CD34: variants seen among roughly 807,000 people sequenced by gnomAD.
The protein encoded by CD34 is hematopoietic progenitor cell antigen CD34.
In CD34, 34 loss-of-function variants were observed where a neutral mutation model predicts 40.1. That is an observed-to-expected ratio of 0.85 (90% CI 0.65 to 1.13). The LOEUF (loss-of-function observed/expected upper bound fraction) is 1.13, where lower values mean the gene tolerates loss of function less well. CD34 is among the 50% of genes most tolerant of loss of function. The pLI is 0.00. For missense variants in CD34, 426 were observed against 466.9 expected (o/e 0.91, Z 0.81); for synonymous variants, 209 against 190.0 (o/e 1.10, Z -0.82).
In CD34 at chr1:207,885,579, T is replaced by C. The variant is rs658347; in HGVS notation, c.*2159A>G. 73,620 of 151,344 alleles carry C rather than the reference T, an allele frequency of 0.49. 18,246 individuals are homozygous for C. Among genetic ancestry groups the C allele is most frequent in the East Asian group, 0.72 (3,684 of 5,140 alleles). The allele number at this position is 151,344 out of a possible 1,614,324, so 9.4% of individuals were successfully genotyped here. On this transcript the variant is annotated 3_prime_UTR_variant, in exon 8 of 8. Coordinates refer to ENST00000310833, the MANE Select transcript of CD34 (RefSeq NM_001025109.2). ...TAGCTGGGACAGACCCTCACTGGAT[T>C]ACTCTCAAGGCAAGATGTGCAACTA...
At chr1:207,906,370 G>A (rs2785647) in intron 1 of CD34, among the ~76,000 whole-genome samples, 36,034 of 152,150 alleles carry the variant, frequency 0.24, 5,284 homozygotes, top group Non-Finnish European at 0.34. Context: ...GGAGGCATCC[G>A]TGTTAGGGGG....
At chr1:207,893,433 AG>A (rs1662076737) in intron 4 of CD34, among the ~76,000 whole-genome samples, 1 of 152,158 alleles carries the variant, frequency 6.6e-6, no homozygotes, top group South Asian at 2.1e-4. Context: ...TTGACAATGC[AG>A]GTGAAAACGC....
chr1:207,890,032 G>C lies in CD34; in HGVS notation c.598-411C>G, dbSNP rs1571768125. 1.4e-6 allele frequency: 2 copies of C among 1,381,050 alleles called. 1 individual carries two copies. Among genetic ancestry groups the C allele is most frequent in the Middle Eastern group, 5.4e-4 (2 of 3,672 alleles). 85.5% of individuals were successfully genotyped at this position (1,381,050 alleles called of 1,614,324 possible). A position where few individuals can be genotyped will look rare whatever the true frequency, so the allele number is the denominator to read the frequency against. Reference sequence around the variant, plus strand: ...TCCCCAATGATGGAAGAAAAGCCAAGGGAGGTGAGGAGGAGAGAACAAATC... The same window carrying C: ...TCCCCAATGATGGAAGAAAAGCCAACGGAGGTGAGGAGGAGAGAACAAATC... On this transcript the variant is annotated intron_variant, in intron 4 of 7. Transcript: ENST00000310833.
intron 4 of CD34, chr1:207,890,374 C>T: frequency 3.2e-6 from 1 of 308,404 alleles, no homozygotes; most frequent in Non-Finnish European, 4.7e-6. Flanking sequence ...GAAACTAAGA[C>T]TTTCTCTTCA....
intron 3 of CD34, among the ~76,000 whole-genome samples, chr1:207,898,451 C>T (rs1264232976): frequency 6.6e-6 from 1 of 152,322 alleles, no homozygotes; most frequent in East Asian, 1.9e-4. Context: ...CAGTCATAGG[C>T]CCTAAGGCTG....
intron 4 of CD34, among the ~76,000 whole-genome samples, chr1:207,892,068 G>A (rs1376442159): frequency 6.6e-6 from 1 of 152,164 alleles, no homozygotes; most frequent in Non-Finnish European, 1.5e-5. Context: ...TCATTTCAAA[G>A]AGAATGAAGA....
In CD34 at chr1:207,883,415, A is replaced by G. The variant is rs1661840860; in HGVS notation, c.*4323T>C. On this transcript the variant is annotated 3_prime_UTR_variant, in exon 8 of 8. Transcript: ENST00000310833. ...CCCACATCTAGATACAAAGCACTTCATTTAGTCTTTCCTCGTGTTATTTCT... is the reference window on the plus strand; with the variant it reads ...CCCACATCTAGATACAAAGCACTTCGTTTAGTCTTTCCTCGTGTTATTTCT... 2 of 152,172 alleles carry G rather than the reference A, an allele frequency of 1.3e-5. No homozygotes were observed. The highest frequency in any genetic ancestry group is 1.3e-4 in the Admixed American group (2 of 15,280). The allele number at this position is 152,172 out of a possible 1,614,324, so 9.4% of individuals were successfully genotyped here.
Position 207,900,003 on chromosome 1 carries a change from G to A in CD34, c.80C>T (p.Pro27Leu). ...GTTGTCAAGACTCATGAACCCAGAA[G>A]CTATAGGGAAACGAGGAGGAAGAAT... ...WTALCLLSLLPSGFMSLDNNG... is the reference protein window; with the variant it reads ...WTALCLLSLLLSGFMSLDNNG... The change falls in exon 2 of 8, where the codon CCT becomes CTT. Residue 27 changes from proline (P) to leucine (L), a missense_variant and splice_region_variant. Transcript: ENST00000310833. 6.2e-7 allele frequency: 1 copy of A among 1,602,400 alleles called. No homozygotes were observed. The highest frequency in any genetic ancestry group is 8.5e-7 in the Non-Finnish European group (1 of 1,174,796).
chr1:207,889,961 T>C (rs749765562), intron 4 of CD34: 17 of 1,462,184 alleles, frequency 1.2e-5, no homozygotes, highest in Non-Finnish European at 1.5e-5. Flanking sequence ...ATATTAATAA[T>C]GCAATAATAA....
intron 1 of CD34, among the ~76,000 whole-genome samples, chr1:207,906,102 T>C (rs986625624): frequency 6.6e-6 from 1 of 152,186 alleles, no homozygotes; most frequent in Non-Finnish European, 1.5e-5. Context: ...GTTAGTGTCA[T>C]TGTCATTTAA....
At chr1:207,900,052 G>C (rs373192212) in intron 1 of CD34, 49 bp from the exon 2 acceptor site, 8 of 1,389,826 alleles carry the variant, frequency 5.8e-6, no homozygotes, top group Non-Finnish European at 8.0e-6. Context: ...TATCAGCCTG[G>C]TGATATCACC....
In CD34 at chr1:207,886,078, A is replaced by C. The variant is rs1661890628; in HGVS notation, c.*1660T>G. 1 of 151,940 alleles carries C rather than the reference A, an allele frequency of 6.6e-6. No individual in the cohort carries two copies. Among genetic ancestry groups the C allele is most frequent in the African/African-American group, 2.4e-5 (1 of 41,302 alleles). 9.4% of individuals were successfully genotyped at this position (151,940 alleles called of 1,614,324 possible). A position where few individuals can be genotyped will look rare whatever the true frequency, so the allele number is the denominator to read the frequency against. On this transcript the variant is annotated 3_prime_UTR_variant, in exon 8 of 8. Coordinates refer to ENST00000310833, the MANE Select transcript of CD34 (RefSeq NM_001025109.2). Reference sequence around the variant, plus strand: ...CCTGAGTTGGCTGCCAGGTCTCTAGAACAACAGTCCCCACATAGTCCTTCA... The same window carrying C: ...CCTGAGTTGGCTGCCAGGTCTCTAGCACAACAGTCCCCACATAGTCCTTCA...
rs1022382724 is a variant in CD34 at position 207,883,000 on chromosome 1, G to C, written c.*4738C>G. ...TGTCTTATCCCAGGTGCCTGGCATA[G>C]TACCTGGCTTATAATAAGCACTCAA... On this transcript the variant is annotated 3_prime_UTR_variant, in exon 8 of 8. Coordinates refer to ENST00000310833, the MANE Select transcript of CD34 (RefSeq NM_001025109.2). The C allele has an allele frequency of 2.0e-5, 3 of 152,162 alleles. No homozygotes were observed. Among genetic ancestry groups the C allele is most frequent in the African/African-American group, 7.2e-5 (3 of 41,414 alleles). 9.4% of individuals were successfully genotyped at this position (152,162 alleles called of 1,614,324 possible). A position where few individuals can be genotyped will look rare whatever the true frequency, so the allele number is the denominator to read the frequency against.
chr1:207,900,523 A>C (rs912018730), intron 1 of CD34, among the ~76,000 whole-genome samples: 13 of 152,164 alleles, frequency 8.5e-5, no homozygotes, highest in African/African-American at 3.1e-4. Context: ...CTCTCCATCC[A>C]GTATACTAAC....
chr1:207,889,949 A>C, intron 4 of CD34: 1 of 1,473,902 alleles, frequency 6.8e-7, no homozygotes, highest in Non-Finnish European at 8.9e-7. Context: ...CAAAAACAGA[A>C]AATATTAATA....
chr1:207,897,603 C>T (rs1662176435), intron 3 of CD34, 30 bp from the exon 4 acceptor site: 8 of 1,502,112 alleles, frequency 5.3e-6, no homozygotes, highest in Non-Finnish European at 7.2e-6. Context: ...ATAACAAAAA[C>T]AAAGTAAATA....
rs375065490 is a variant in CD34 at position 207,889,182 on chromosome 1, C to T, written c.786G>A (p.Lys262=). Residue 262 remains lysine, a synonymous_variant, in exon 6 of 8, where the codon AAG becomes AAA. Transcript: ENST00000310833. ...EISSKLQLMK[K]HQSDLKKLGI... is the part of the protein sequence containing the mutation. Reference sequence around the variant, plus strand: ...TTACCTTTTTCAGGTCAGATTGGTGCTTTTTCATAAGTTGGAGTTTGCTGG... The same window carrying T: ...TTACCTTTTTCAGGTCAGATTGGTGTTTTTTCATAAGTTGGAGTTTGCTGG... 51 of 1,606,632 alleles carry T rather than the reference C, an allele frequency of 3.2e-5. No individual in the cohort carries two copies. The highest frequency in any genetic ancestry group is 3.6e-5 in the Non-Finnish European group (42 of 1,173,232).
rs1291187070 is a variant in CD34 at position 207,886,922 on chromosome 1, G to C, written c.*816C>G. 6.6e-6 allele frequency: 1 copy of C among 152,376 alleles called. No homozygotes were observed. The highest frequency in any genetic ancestry group is 1.5e-5 in the Non-Finnish European group (1 of 68,164). The allele number at this position is 152,376 out of a possible 1,614,324, so 9.4% of individuals were successfully genotyped here. On this transcript the variant is annotated 3_prime_UTR_variant, in exon 8 of 8. Transcript: ENST00000310833. ...GATAAGGCTAGGATCCAGCCTCAGAGGAAGAGGATTTTTCGGAAGAGTACA... is the reference window on the plus strand; with the variant it reads ...GATAAGGCTAGGATCCAGCCTCAGACGAAGAGGATTTTTCGGAAGAGTACA...
intron 1 of CD34, among the ~76,000 whole-genome samples, chr1:207,901,236 C>A (rs1205646562): frequency 6.6e-6 from 1 of 152,204 alleles, no homozygotes; most frequent in Non-Finnish European, 1.5e-5. Flanking sequence ...AGAGCCCACA[C>A]CCTGTCCTGC....
Sources: allele counts gnomAD v4.1 joint callset (sites outside exome capture counted in the v4.1 genomes callset), GRCh38; gene constraint gnomAD v4.1.1; transcripts MANE v1.5; gene names NCBI Gene and HGNC (gene_info 2026-07-23, HGNC 2026-07-21).